The following RIN2 variants were observed in gnomAD, a reference collection of about 807,000 sequenced individuals.
RIN2 encodes the protein RAB5 interacting protein 2.
In RIN2, 36 loss-of-function variants were observed where a neutral mutation model predicts 78.0. The ratio of observed to expected loss-of-function variants is 0.46; its 90% CI spans 0.35 to 0.61. The LOEUF is 0.61. Among genes scored for constraint, RIN2 ranks in the 20% least tolerant of loss-of-function variants. RIN2 has a pLI of 0.00. For missense variants in RIN2, 1,087 were observed against 1,159.7 expected, an observed-to-expected ratio of 0.94 and a Z score of 0.91; for synonymous variants, 466 against 466.8, an observed-to-expected ratio of 1.00 and a Z score of 0.02.
chr20:19,838,848 C>A (rs115956764), intron 2 of RIN2, among the ~76,000 whole-genome samples: 1 of 152,204 alleles, frequency 6.6e-6, no homozygotes, highest in African/African-American at 2.4e-5. Flanking sequence ...AGGGTACCAC[C>A]GCCTCCCCAC....
Position 19,952,835 on chromosome 20 carries a change from C to G in RIN2, c.159-3780C>G, listed in dbSNP as rs6136894. Among the ~76,000 whole-genome samples, 3,458 of 152,186 alleles carry G rather than the reference C, an allele frequency of 0.023. 314 individuals are homozygous for G. In the East Asian group the frequency reaches 0.29, roughly 13 times the overall value. Reference sequence around the variant, plus strand: ...TTCTTTTAGTGGCATGGTACCCATCCCGCGCCCGCAGCCCCTAGCAAAACA... The same window carrying G: ...TTCTTTTAGTGGCATGGTACCCATCGCGCGCCCGCAGCCCCTAGCAAAACA... On this transcript the variant is annotated intron_variant, in intron 4 of 12. Coordinates refer to ENST00000255006, the MANE Select transcript of RIN2 (RefSeq NM_018993.4).
intron 2 of RIN2, among the ~76,000 whole-genome samples, chr20:19,879,602 A>G (rs6035467): frequency 0.86 from 130,480 of 152,222 alleles, 56,098 homozygotes; most frequent in East Asian, 0.94. Context: ...ATGGATGCAA[A>G]GACATGCACA....
intron 3 of RIN2, among the ~76,000 whole-genome samples, chr20:19,921,315 A>C (rs2039909168): frequency 6.6e-6 from 1 of 151,244 alleles, no homozygotes; most frequent in Admixed American, 6.6e-5. Flanking sequence ...ATAATTGAAA[A>C]CTCGAGCAGT....
intron 1 of RIN2, among the ~76,000 whole-genome samples, chr20:19,759,530 G>A (rs2033545438): frequency 6.6e-6 from 1 of 152,174 alleles, no homozygotes; most frequent in Non-Finnish European, 1.5e-5. Flanking sequence ...TTCATGATAA[G>A]CAAAAATCAA....
intron 1 of RIN2, among the ~76,000 whole-genome samples, chr20:19,768,655 A>T (rs755845076): frequency 7.2e-5 from 11 of 152,118 alleles, no homozygotes; most frequent in Admixed American, 2.0e-4. Context: ...TGTTATGAAT[A>T]ATTCATTGTC....
rs534463529 is a variant in RIN2, at chr20:19,886,359, A to T, written c.-36-3207A>T. Among the ~76,000 whole-genome samples, 9 of 152,310 alleles carry T rather than the reference A, an allele frequency of 5.9e-5. No homozygotes were observed. The South Asian group carries it at 1.9e-3, about 32-fold the overall frequency. ...GGAATCCTTTCTGCTTTTTAAGGAC[A>T]GACTTTGCTTTACCACAGCAGTCGC... On this transcript the variant is annotated intron_variant, in intron 2 of 12. Transcript: ENST00000255006.
chr20:19,859,824 A>C (rs543479694), intron 2 of RIN2, among the ~76,000 whole-genome samples: 1 of 152,312 alleles, frequency 6.6e-6, no homozygotes, highest in African/African-American at 2.4e-5. Context: ...CTCTATATGG[A>C]GAATCCAGTC....
chr20:19,837,169 AAC>A (rs142399537), intron 2 of RIN2, among the ~76,000 whole-genome samples: 21,954 of 139,940 alleles, frequency 0.16, 1,723 homozygotes, highest in East Asian at 0.23. Flanking sequence ...CGCCCCCCCC[AAC>A]ACACACACAC....
intron 2 of RIN2, among the ~76,000 whole-genome samples, chr20:19,835,314 G>A (rs2036389032): frequency 6.6e-6 from 1 of 152,166 alleles, no homozygotes; most frequent in African/African-American, 2.4e-5. Context: ...TGGTGAATGT[G>A]TGTATCTATA....
intron 1 of RIN2, among the ~76,000 whole-genome samples, chr20:19,772,861 C>T (rs2034181142): frequency 6.6e-6 from 1 of 152,054 alleles, no homozygotes; most frequent in African/African-American, 2.4e-5. Flanking sequence ...CAATTCACTC[C>T]TGGTCTGTCA....
intron 3 of RIN2, among the ~76,000 whole-genome samples, chr20:19,921,061 C>A (rs1296080125): frequency 6.6e-6 from 1 of 152,162 alleles, no homozygotes; most frequent in Non-Finnish European, 1.5e-5. Flanking sequence ...TGCCACTGAT[C>A]AGGGGTGCCG....
At chr20:19,880,856 T>C (rs2038007935) in intron 2 of RIN2, among the ~76,000 whole-genome samples, 2 of 152,208 alleles carry the variant, frequency 1.3e-5, no homozygotes, top group South Asian at 2.1e-4. Flanking sequence ...GAAGATCTTT[T>C]CTTCTTCTCT....
chr20:19,905,190 A>C (rs1165312741), intron 3 of RIN2, among the ~76,000 whole-genome samples: 1 of 152,164 alleles, frequency 6.6e-6, no homozygotes, highest in Non-Finnish European at 1.5e-5. Flanking sequence ...GCTCAGCAAA[A>C]GCTGAGCCAG....
intron 1 of RIN2, among the ~76,000 whole-genome samples, chr20:19,773,060 A>G (rs1390527712): frequency 1.3e-5 from 2 of 152,190 alleles, no homozygotes; most frequent in Non-Finnish European, 2.9e-5. Flanking sequence ...AGGTGTTGGC[A>G]GGGCTGTGCT....
chr20:19,849,324 C>T (rs1000730249), intron 2 of RIN2, among the ~76,000 whole-genome samples: 1 of 152,168 alleles, frequency 6.6e-6, no homozygotes, highest in African/African-American at 2.4e-5. Flanking sequence ...TTGCTCAGGC[C>T]TGCTCAGACA....
At chr20:19,869,081 CAA>C (rs11413677) in intron 2 of RIN2, among the ~76,000 whole-genome samples, 1,411 of 76,218 alleles carry the variant, frequency 0.019, 16 homozygotes, top group African/African-American at 0.059. Flanking sequence ...GACTCCGTCT[CAA>C]AAAAAAAAAA....
chr20:19,815,447 G>C (rs2035736510), intron 2 of RIN2, among the ~76,000 whole-genome samples: 1 of 152,198 alleles, frequency 6.6e-6, no homozygotes. Context: ...TTCACTGAAA[G>C]TAATTTATTT....
At chr20:19,934,833 A>G (rs1047494028) in intron 3 of RIN2, among the ~76,000 whole-genome samples, 1 of 151,828 alleles carries the variant, frequency 6.6e-6, no homozygotes, top group African/African-American at 2.4e-5. Flanking sequence ...CAATACTGAA[A>G]CCTAACAAAC....
chr20:19,953,185 C>A (rs2041393274), intron 4 of RIN2, among the ~76,000 whole-genome samples: 1 of 152,154 alleles, frequency 6.6e-6, no homozygotes, highest in Admixed American at 6.5e-5. Flanking sequence ...GTTGCCCAGG[C>A]TACAGTACAG....
Sources: allele counts gnomAD v4.1 joint callset (sites outside exome capture counted in the v4.1 genomes callset), GRCh38; gene constraint gnomAD v4.1.1; transcripts MANE v1.5; gene names NCBI Gene and HGNC (gene_info 2026-07-23, HGNC 2026-07-21).